The following COP1 variants were observed in gnomAD, a reference collection of about 807,000 sequenced individuals.
COP1 encodes COP1 E3 ubiquitin ligase.
In COP1, 24 loss-of-function variants were observed where a neutral mutation model predicts 101.3. The ratio of observed to expected loss-of-function variants is 0.24; its 90% CI spans 0.17 to 0.33. The LOEUF is 0.33. Ranked by LOEUF, COP1 falls within the 10% of genes least tolerant of loss-of-function variation. COP1 has a pLI of 1.00. For missense variants in COP1, 663 were observed against 906.2 expected (o/e 0.73, Z 3.45); for synonymous variants, 347 against 341.9 (o/e 1.01, Z -0.17).
chr1:176,149,191 T>G, intron 5 of COP1, 117 bp from the exon 6 acceptor site: 1 of 475,470 alleles, frequency 2.1e-6, no homozygotes, highest in East Asian at 3.4e-5. Flanking sequence ...AGTTCGTCTA[T>G]TATTTCTATT....
intron 9 of COP1, among the ~76,000 whole-genome samples, chr1:176,109,575 G>A (rs1331764495): frequency 6.6e-6 from 1 of 151,238 alleles, no homozygotes; most frequent in East Asian, 1.9e-4. Flanking sequence ...ATGTTAATTG[G>A]CCACATTCTA....
At chr1:176,063,789 C>G (rs1396138378) in intron 11 of COP1, among the ~76,000 whole-genome samples, 1 of 152,190 alleles carries the variant, frequency 6.6e-6, no homozygotes, top group Non-Finnish European at 1.5e-5. Context: ...AGGAAACTTT[C>G]TGCTATACAT....
chr1:176,087,281 T>A (rs1385528928), intron 9 of COP1, among the ~76,000 whole-genome samples: 1 of 152,078 alleles, frequency 6.6e-6, no homozygotes, highest in Non-Finnish European at 1.5e-5. Context: ...ACTAAAGAGC[T>A]TCTGCAAAGC....
chr1:176,182,999 T>C (rs1697985622), intron 2 of COP1, among the ~76,000 whole-genome samples: 1 of 152,248 alleles, frequency 6.6e-6, no homozygotes, highest in African/African-American at 2.4e-5. Flanking sequence ...GTATTTTATA[T>C]TACATCTTCC....
intron 2 of COP1, among the ~76,000 whole-genome samples, chr1:176,183,835 C>T (rs755658531): frequency 6.6e-6 from 1 of 151,990 alleles, no homozygotes. Flanking sequence ...GTGAAATAAG[C>T]GAGTCACAAA....
chr1:176,001,578 A>G (rs1661614314), intron 15 of COP1, among the ~76,000 whole-genome samples: 1 of 152,274 alleles, frequency 6.6e-6, no homozygotes, highest in African/African-American at 2.4e-5. Context: ...CGCAAGTGCC[A>G]CCAGCAAGTA....
At chr1:175,987,421 T>G (rs1657386022) in intron 17 of COP1, among the ~76,000 whole-genome samples, 1 of 152,182 alleles carries the variant, frequency 6.6e-6, no homozygotes, top group African/African-American at 2.4e-5. Flanking sequence ...TACTTTTAAT[T>G]ACTTTTGCAC....
At chr1:175,968,254 G>C (rs564863793) in intron 18 of COP1, 17 of 233,546 alleles carry the variant, frequency 7.3e-5, no homozygotes, top group African/African-American at 4.0e-4. Context: ...TTCAAAACTC[G>C]TAAGATACCT....
chr1:176,072,591 T>A (rs10494498), intron 11 of COP1, among the ~76,000 whole-genome samples: 44,508 of 152,084 alleles, frequency 0.29, 7,843 homozygotes, highest in Admixed American at 0.38. Flanking sequence ...TTGGCAGTCT[T>A]AAAAATCATA....
At chr1:175,966,619 G>C (rs892686523) in intron 18 of COP1, among the ~76,000 whole-genome samples, 1 of 152,102 alleles carries the variant, frequency 6.6e-6, no homozygotes, top group Non-Finnish European at 1.5e-5. Context: ...GCTTCATCCT[G>C]AATTTATTAA....
intron 3 of COP1, among the ~76,000 whole-genome samples, chr1:176,168,392 AAGAC>A (rs1237156553): frequency 6.6e-6 from 1 of 150,456 alleles, no homozygotes; most frequent in Admixed American, 6.6e-5. Flanking sequence ...GGTAGAGAAA[AAGAC>A]AGCTGGGTGG....
At chr1:176,165,924 AAGAGGTC>A (rs1281688254) in intron 3 of COP1, among the ~76,000 whole-genome samples, 1 of 152,188 alleles carries the variant, frequency 6.6e-6, no homozygotes, top group Non-Finnish European at 1.5e-5. Flanking sequence ...GTAAGTCAGT[AAGAGGTC>A]AGTGTCACAG....
At chr1:176,001,830 C>A (rs1661686523) in intron 15 of COP1, among the ~76,000 whole-genome samples, 1 of 151,984 alleles carries the variant, frequency 6.6e-6, no homozygotes, top group African/African-American at 2.4e-5. Context: ...ATCTTAATTC[C>A]CCCTTCATTT....
intron 15 of COP1, among the ~76,000 whole-genome samples, chr1:175,999,443 C>CT (rs998233132): frequency 1.3e-5 from 2 of 151,814 alleles, no homozygotes; most frequent in South Asian, 4.2e-4. Flanking sequence ...GAATCTCATT[C>CT]TTTTTTTTAA....
chr1:175,980,750 AGT>A (rs150401542), intron 18 of COP1, among the ~76,000 whole-genome samples: 1 of 152,242 alleles, frequency 6.6e-6, no homozygotes, highest in East Asian at 1.9e-4. Context: ...AGGAGTAATA[AGT>A]GTCCTTTACA....
chr1:175,952,255 C>T (rs1199740346), intron 18 of COP1, among the ~76,000 whole-genome samples: 1 of 152,032 alleles, frequency 6.6e-6, no homozygotes, highest in East Asian at 1.9e-4. Flanking sequence ...AACCCCATCT[C>T]TACTAAAAAT....
intron 4 of COP1, among the ~76,000 whole-genome samples, chr1:176,163,207 A>T (rs956141093): frequency 6.6e-6 from 1 of 152,184 alleles, no homozygotes; most frequent in Non-Finnish European, 1.5e-5. Context: ...TTAGATAACA[A>T]ATATAAAAGG....
intron 11 of COP1, among the ~76,000 whole-genome samples, chr1:176,050,351 AAGCC>A (rs1672328425): frequency 6.6e-6 from 1 of 152,248 alleles, no homozygotes; most frequent in Non-Finnish European, 1.5e-5. Flanking sequence ...AAAGCAATGA[AAGCC>A]GTCAATAAGC....
intron 18 of COP1, among the ~76,000 whole-genome samples, chr1:175,959,045 G>C (rs1390413015): frequency 6.6e-6 from 1 of 151,752 alleles, no homozygotes; most frequent in African/African-American, 2.4e-5. Flanking sequence ...TATTCATAAA[G>C]ACAAATGAAA....
Sources: allele counts gnomAD v4.1 joint callset (sites outside exome capture counted in the v4.1 genomes callset), GRCh38; gene constraint gnomAD v4.1.1; transcripts MANE v1.5; gene names NCBI Gene and HGNC (gene_info 2026-07-23, HGNC 2026-07-21).